The following TSPAN5 variants were observed in gnomAD, a reference collection of about 807,000 sequenced individuals.
The protein encoded by TSPAN5 is tetraspanin 5.
TSPAN5 carries 10 observed loss-of-function variants against 37.1 expected under a neutral mutation model. The observed-to-expected ratio is 0.27, with a 90% CI of 0.17 to 0.46. TSPAN5 has a LOEUF of 0.46. Ranked by LOEUF, TSPAN5 falls within the 20% of genes least tolerant of loss-of-function variation. The probability of loss-of-function intolerance (pLI) is 1.00; values close to 1 mark genes in which losing one functional copy is unlikely to be tolerated. For synonymous variants in TSPAN5, 110 were observed against 118.9 expected, an observed-to-expected ratio of 0.93 and a Z score of 0.48; for missense variants, 195 against 326.6, an observed-to-expected ratio of 0.60 and a Z score of 3.11.
intron 1 of TSPAN5, among the ~76,000 whole-genome samples, chr4:98,648,323 G>C (rs1757112610): frequency 6.6e-6 from 1 of 152,184 alleles, no homozygotes. Flanking sequence ...AGGCTGAAAG[G>C]AACAGCAACA....
intron 1 of TSPAN5, among the ~76,000 whole-genome samples, chr4:98,521,012 A>C (rs1753842206): frequency 6.6e-6 from 1 of 151,794 alleles, no homozygotes. Context: ...GCTCACTGCA[A>C]CCTCCACCTC....
At chr4:98,563,830 G>C (rs930575021) in intron 1 of TSPAN5, among the ~76,000 whole-genome samples, 1 of 152,284 alleles carries the variant, frequency 6.6e-6, no homozygotes, top group Middle Eastern at 3.4e-3. Context: ...GAGACATCTT[G>C]GTTGTCACCC....
intron 1 of TSPAN5, among the ~76,000 whole-genome samples, chr4:98,514,917 A>T (rs1753695232): frequency 6.6e-6 from 1 of 152,174 alleles, no homozygotes; most frequent in Non-Finnish European, 1.5e-5. Context: ...GGAATTTTTT[A>T]AAATGGGAAG....
At chr4:98,578,044 A>G (rs1250237782) in intron 1 of TSPAN5, among the ~76,000 whole-genome samples, 3 of 152,206 alleles carry the variant, frequency 2.0e-5, no homozygotes, top group Non-Finnish European at 4.4e-5. Flanking sequence ...AAGATTCAAC[A>G]CACATCCTAT....
intron 1 of TSPAN5, among the ~76,000 whole-genome samples, chr4:98,515,916 A>G (rs1297478864): frequency 6.6e-6 from 1 of 152,114 alleles, no homozygotes; most frequent in Non-Finnish European, 1.5e-5. Context: ...TTTTAAATCC[A>G]CTAATTTTGA....
chr4:98,631,506 G>C (rs1249654182), intron 1 of TSPAN5, among the ~76,000 whole-genome samples: 1 of 151,924 alleles, frequency 6.6e-6, no homozygotes. Context: ...TATGTCATCT[G>C]GTATCCCTCC....
At chr4:98,584,325 A>T (rs1257861585) in intron 1 of TSPAN5, among the ~76,000 whole-genome samples, 1 of 152,250 alleles carries the variant, frequency 6.6e-6, no homozygotes, top group Non-Finnish European at 1.5e-5. Flanking sequence ...ATATGCAAGC[A>T]GTGAAAATAC....
intron 1 of TSPAN5, among the ~76,000 whole-genome samples, chr4:98,568,048 A>G (rs1019083411): frequency 2.0e-5 from 3 of 152,234 alleles, no homozygotes; most frequent in Non-Finnish European, 2.9e-5. Context: ...GATAGCTTAA[A>G]AAAAAGGAGT....
intron 2 of TSPAN5, among the ~76,000 whole-genome samples, chr4:98,494,995 G>A (rs565435931): frequency 6.6e-6 from 1 of 152,338 alleles, no homozygotes; most frequent in African/African-American, 2.4e-5. Context: ...GAGAAGTGGT[G>A]CAGCAGAGAA....
chr4:98,564,504 C>T (rs988670748), intron 1 of TSPAN5, among the ~76,000 whole-genome samples: 5 of 152,124 alleles, frequency 3.3e-5, no homozygotes, highest in African/African-American at 9.7e-5. Context: ...TATAGGTGAT[C>T]TAAGTTAATC....
At chr4:98,598,699 C>T (rs192051424) in intron 1 of TSPAN5, among the ~76,000 whole-genome samples, 17 of 152,158 alleles carry the variant, frequency 1.1e-4, no homozygotes, top group South Asian at 2.1e-4. Context: ...CAAGCTCAAG[C>T]GATCCATCCA....
At chr4:98,529,804 G>A (rs937968531) in intron 1 of TSPAN5, among the ~76,000 whole-genome samples, 2 of 152,178 alleles carry the variant, frequency 1.3e-5, no homozygotes, top group African/African-American at 4.8e-5. Flanking sequence ...TGTTTGGTTG[G>A]TTAAGAGATG....
intron 1 of TSPAN5, among the ~76,000 whole-genome samples, chr4:98,610,382 T>C (rs1012279228): frequency 6.6e-6 from 1 of 152,194 alleles, no homozygotes; most frequent in African/African-American, 2.4e-5. Flanking sequence ...TATATGCTCT[T>C]TGGGGGACAC....
At chr4:98,488,870 T>C (rs186880231) in intron 2 of TSPAN5, among the ~76,000 whole-genome samples, 18 of 152,164 alleles carry the variant, frequency 1.2e-4, no homozygotes, top group East Asian at 3.9e-4. Context: ...CTGGGCAGTA[T>C]AGCGAGACCC....
At chr4:98,576,143 T>G (rs1755231271) in intron 1 of TSPAN5, among the ~76,000 whole-genome samples, 1 of 152,162 alleles carries the variant, frequency 6.6e-6, no homozygotes. Context: ...TTCTGTTGCT[T>G]TCTGGATATT....
intron 2 of TSPAN5, among the ~76,000 whole-genome samples, chr4:98,497,127 C>T (rs1375283818): frequency 6.6e-6 from 1 of 152,018 alleles, no homozygotes; most frequent in Non-Finnish European, 1.5e-5. Flanking sequence ...GAGTTTGAGA[C>T]CAGCCTGGCC....
chr4:98,615,642 G>A (rs1756308749), intron 1 of TSPAN5, among the ~76,000 whole-genome samples: 3 of 152,190 alleles, frequency 2.0e-5, no homozygotes, highest in Admixed American at 6.5e-5. Context: ...CCAACGTGGC[G>A]AAACCCTGTC....
chr4:98,654,487 A>C (rs1273283966), intron 1 of TSPAN5, among the ~76,000 whole-genome samples: 2 of 152,200 alleles, frequency 1.3e-5, no homozygotes, highest in African/African-American at 4.8e-5. Flanking sequence ...CCAAACCCAA[A>C]GCAGTCTCAG....
chr4:98,537,949 C>T (rs1053151247), intron 1 of TSPAN5, among the ~76,000 whole-genome samples: 1 of 152,224 alleles, frequency 6.6e-6, no homozygotes, highest in African/African-American at 2.4e-5. Context: ...GGACACATTC[C>T]AGCCGACAGC....
Sources: allele counts gnomAD v4.1 joint callset (sites outside exome capture counted in the v4.1 genomes callset), GRCh38; gene constraint gnomAD v4.1.1; transcripts MANE v1.5; gene names NCBI Gene and HGNC (gene_info 2026-07-23, HGNC 2026-07-21).